KLHL29: variants seen among roughly 807,000 people sequenced by gnomAD.
KLHL29 encodes kelch like family member 29.
KLHL29 carries 21 observed loss-of-function variants against 80.4 expected under a neutral mutation model. That is an observed-to-expected ratio of 0.26 (90% CI 0.19 to 0.38). KLHL29 has a LOEUF of 0.38. Ranked by LOEUF, KLHL29 falls within the 10% of genes least tolerant of loss-of-function variation. The pLI, the probability that KLHL29 is intolerant of heterozygous loss-of-function variation, is 1.00. For synonymous variants in KLHL29, 511 were observed against 526.8 expected, an observed-to-expected ratio of 0.97 and a Z score of 0.41; for missense variants, 867 against 1,223.9, an observed-to-expected ratio of 0.71 and a Z score of 4.35.
At chr2:23,607,772 C>G (rs1245631598) in intron 3 of KLHL29, among the ~76,000 whole-genome samples, 1 of 152,168 alleles carries the variant, frequency 6.6e-6, no homozygotes, top group Admixed American at 6.5e-5. Context: ...GAATCTAATA[C>G]CCGATGATCT....
intron 3 of KLHL29, among the ~76,000 whole-genome samples, chr2:23,620,887 G>A (rs756004744): frequency 2.0e-5 from 3 of 152,256 alleles, no homozygotes; most frequent in Non-Finnish European, 4.4e-5. Context: ...GGGAACTCCA[G>A]CATCCTGCTG....
intron 1 of KLHL29, among the ~76,000 whole-genome samples, chr2:23,428,925 C>T (rs1396167533): frequency 6.6e-6 from 1 of 152,238 alleles, no homozygotes; most frequent in Admixed American, 6.5e-5. Context: ...TTCTACACCA[C>T]ATCTCTCAGC....
intron 5 of KLHL29, among the ~76,000 whole-genome samples, chr2:23,676,961 A>ATTTT (rs1490924107): frequency 3.3e-5 from 5 of 152,198 alleles, no homozygotes; most frequent in Admixed American, 1.3e-4. Flanking sequence ...CTGTGACTAG[A>ATTTT]TCTAGGTCTC....
chr2:23,392,662 A>G (rs1334414441), intron 1 of KLHL29, among the ~76,000 whole-genome samples: 1 of 152,174 alleles, frequency 6.6e-6, no homozygotes, highest in Non-Finnish European at 1.5e-5. Flanking sequence ...CAAGGCCACA[A>G]ACCTAGCCAC....
At chr2:23,694,023 C>T (rs1671788231) in intron 8 of KLHL29, among the ~76,000 whole-genome samples, 1 of 152,186 alleles carries the variant, frequency 6.6e-6, no homozygotes, top group African/African-American at 2.4e-5. Context: ...AGGTGGGAGG[C>T]AGGGTTTCTT....
intron 2 of KLHL29, among the ~76,000 whole-genome samples, chr2:23,543,729 C>T (rs747521767): frequency 3.9e-5 from 6 of 152,208 alleles, no homozygotes; most frequent in African/African-American, 1.4e-4. Context: ...AAGGCCTCCT[C>T]GGGAGCAGTT....
chr2:23,415,184 C>T (rs1666954179), intron 1 of KLHL29, among the ~76,000 whole-genome samples: 1 of 152,186 alleles, frequency 6.6e-6, no homozygotes, highest in African/African-American at 2.4e-5. Context: ...AAGTGTGTGT[C>T]GGTGCGTCCT....
chr2:23,484,301 C>A (rs959326984), intron 2 of KLHL29, among the ~76,000 whole-genome samples: 4 of 152,190 alleles, frequency 2.6e-5, no homozygotes, highest in Admixed American at 6.5e-5. Flanking sequence ...ACACAGAGCC[C>A]GAGCTCACCT....
intron 1 of KLHL29, among the ~76,000 whole-genome samples, chr2:23,440,497 G>A (rs1663484396): frequency 6.6e-6 from 1 of 152,086 alleles, no homozygotes; most frequent in African/African-American, 2.4e-5. Context: ...TTAAACTAAA[G>A]AGCTTCTGCA....
chr2:23,569,011 CAG>C lies in KLHL29; in HGVS notation c.285+6531_285+6532del, dbSNP rs200573534. Among the ~76,000 whole-genome samples the C allele has an allele frequency of 7.7e-3, 1,173 of 152,312 alleles. 18 individuals carry two copies. The highest frequency in any genetic ancestry group is 0.027 in the African/African-American group (1,116 of 41,560). On this transcript the variant is annotated intron_variant, in intron 3 of 13. Transcript: ENST00000486442. The stretch of plus-strand genomic sequence containing the variant: ...GGGAACAGACTGTCCAGTTGGCTCT[CAG>C]GGGATCTCGCAGGTACACTGACCTT...
chr2:23,537,404 G>A (rs186728538), intron 2 of KLHL29, among the ~76,000 whole-genome samples: 7 of 115,346 alleles, frequency 6.1e-5, no homozygotes, highest in African/African-American at 1.9e-4. Context: ...CGATTCCTGC[G>A]GTGGGCAGAA....
At chr2:23,582,737 G>A (rs1363327016) in intron 3 of KLHL29, among the ~76,000 whole-genome samples, 1 of 152,112 alleles carries the variant, frequency 6.6e-6, no homozygotes, top group African/African-American at 2.4e-5. Flanking sequence ...CACTTCCAAA[G>A]GAACCCATCT....
chr2:23,389,651 C>T (rs13015234), intron 1 of KLHL29, among the ~76,000 whole-genome samples: 31,283 of 151,232 alleles, frequency 0.21, 4,064 homozygotes, highest in Non-Finnish European at 0.29. Flanking sequence ...ACAGTGATCA[C>T]GCCACTGTAC....
intron 3 of KLHL29, among the ~76,000 whole-genome samples, chr2:23,618,986 C>T (rs1011721648): frequency 6.6e-6 from 1 of 152,226 alleles, no homozygotes; most frequent in African/African-American, 2.4e-5. Context: ...AGACAGCCCC[C>T]TTTACAGGCA....
At chr2:23,484,953 G>A (rs1664889550) in intron 2 of KLHL29, among the ~76,000 whole-genome samples, 1 of 152,102 alleles carries the variant, frequency 6.6e-6, no homozygotes. Context: ...CTGGCAAAGA[G>A]CTCCAGGGCC....
At chr2:23,387,655 T>G (rs1347178653) in intron 1 of KLHL29, among the ~76,000 whole-genome samples, 1 of 152,138 alleles carries the variant, frequency 6.6e-6, no homozygotes, top group Non-Finnish European at 1.5e-5. Context: ...TAAGCACTAG[T>G]GAATACTTTA....
At chr2:23,665,364 T>C (rs1201178725) in intron 5 of KLHL29, among the ~76,000 whole-genome samples, 1 of 152,196 alleles carries the variant, frequency 6.6e-6, no homozygotes, top group African/African-American at 2.4e-5. Flanking sequence ...GACAGAATCA[T>C]ACCTGAACTG....
chr2:23,629,754 G>A (rs1669421174), intron 3 of KLHL29, among the ~76,000 whole-genome samples: 1 of 152,198 alleles, frequency 6.6e-6, no homozygotes, highest in Admixed American at 6.5e-5. Flanking sequence ...ATACTTCCAG[G>A]ATACTATAGA....
intron 2 of KLHL29, among the ~76,000 whole-genome samples, chr2:23,516,313 C>G (rs899800190): frequency 6.6e-6 from 1 of 152,232 alleles, no homozygotes; most frequent in African/African-American, 2.4e-5. Context: ...ACCCTGCACA[C>G]AGCCTAGCAT....
Sources: gnomAD v4.1 joint callset for allele counts (sites outside exome capture counted in the v4.1 genomes callset) on GRCh38, gnomAD v4.1.1 for gene constraint, MANE v1.5 for transcripts, NCBI Gene and HGNC (gene_info 2026-07-23, HGNC 2026-07-21) for gene names.